The following FHOD1 variants were observed in gnomAD, a reference collection of about 807,000 sequenced individuals.
FHOD1 encodes FH1/FH2 domain-containing protein 1.
Under a neutral mutation model 111.6 loss-of-function variants are expected in FHOD1, and 89 were observed. The ratio of observed to expected loss-of-function variants is 0.80; its 90% CI spans 0.67 to 0.95. The LOEUF (loss-of-function observed/expected upper bound fraction) is 0.95, where lower values mean the gene tolerates loss of function less well. Among genes scored for constraint, FHOD1 ranks in the 40% least tolerant of loss-of-function variants. The pLI, the probability that FHOD1 is intolerant of heterozygous loss-of-function variation, is 0.00. For missense variants in FHOD1, 1,446 were observed against 1,554.2 expected, an observed-to-expected ratio of 0.93 and a Z score of 1.17; for synonymous variants, 618 against 639.0, an observed-to-expected ratio of 0.97 and a Z score of 0.50.
rs1243780904 is a variant in FHOD1, at chr16:67,237,970, G to T, written c.642+64C>A. The T allele has an allele frequency of 9.7e-6, 15 of 1,554,284 alleles. No individual in the cohort carries two copies. The Admixed American group carries it at 1.7e-4, about 17-fold the overall frequency. ...CCCTTCCAGCTCACTTTGCAGAACA[G>T]GAAACTGAGGCCCAGAGAGAAGCAA... is the stretch of plus-strand genomic sequence containing the variant. On this transcript the variant is annotated intron_variant, in intron 6 of 21. Transcript: ENST00000258201. The surrounding 1 kb of genome is among the most constrained non-coding windows in gnomAD (Gnocchi z 5.6).
chr16:67,232,432 T>A (rs1184534318), intron 13 of FHOD1, among the ~76,000 whole-genome samples: 3 of 145,668 alleles, frequency 2.1e-5, no homozygotes, highest in African/African-American at 7.7e-5. Context: ...GGCAGGAGAA[T>A]GGCGTGAACC....
Position 67,236,571 on chromosome 16 carries a change from C to T in FHOD1, c.1305G>A (p.Glu435=), listed in dbSNP as rs769856041. The T allele has an allele frequency of 9.3e-6, 15 of 1,613,332 alleles. No individual in the cohort carries two copies. The highest frequency in any genetic ancestry group is 1.3e-5 in the Non-Finnish European group (15 of 1,179,776). Residue 435 remains glutamate (E), a synonymous_variant, in exon 11 of 22, where the codon GAG becomes GAA. Transcript: ENST00000258201. ...TCCCTACTTACTTGTAGATGCTCCT[C>T]TCGCTGGAGGTGTCAGCTGAGGGTG... ...SVAPSADTSS[E]RSIYKARFLE... is the part of the protein sequence containing the mutation.
chr16:67,236,866 T>C (rs1597324449), intron 10 of FHOD1, 100 bp downstream of exon 10: 1 of 1,119,410 alleles, frequency 8.9e-7, no homozygotes, highest in Non-Finnish European at 1.1e-6. Flanking sequence ...GGGGGCTGTC[T>C]GTGGGGCGGG....
At chr16:67,240,316 C>T (rs1250152891) in intron 1 of FHOD1, among the ~76,000 whole-genome samples, 1 of 152,146 alleles carries the variant, frequency 6.6e-6, no homozygotes, top group Non-Finnish European at 1.5e-5. Context: ...CGCCTAAGGT[C>T]AGGAGTTCTA....
In FHOD1 at chr16:67,229,984, A is replaced by G; in HGVS notation, c.3221T>C (p.Val1074Ala). ...GGGCATGATTGGGGAGCTGCTCTGG[A>G]CCATGCCTGAGGAAGGCCAGATAGC... ...TTHNRRSRGM[V>A]QSSSPIMPTV... The change falls in exon 21 of 22, where the codon GTC becomes GCC. Residue 1074 changes from valine to alanine, a missense_variant. Val to Ala is a moderately conservative substitution (Grantham distance 64). Transcript: ENST00000258201. The G allele has an allele frequency of 6.2e-7, 1 of 1,613,894 alleles. No individual in the cohort carries two copies. The highest frequency in any genetic ancestry group is 8.5e-7 in the Non-Finnish European group (1 of 1,179,844).
chr16:67,237,153 G>A lies in FHOD1; in HGVS notation c.994-39C>T, dbSNP rs2034517004. 6.9e-6 allele frequency: 11 copies of A among 1,601,946 alleles called. No homozygotes were observed. The highest frequency in any genetic ancestry group is 9.4e-6 in the Non-Finnish European group (11 of 1,172,514). On this transcript the variant is annotated intron_variant, in intron 9 of 21. Transcript: ENST00000258201. The surrounding 1 kb of genome is among the most constrained non-coding windows in gnomAD (Gnocchi z 5.6). The stretch of plus-strand genomic sequence containing the variant: ...ACCAGGATGTAAGAAAGTGGTTAAC[G>A]TGTATGCAGGTGGGGTGGGGCGCTG...
In FHOD1 at chr16:67,238,519, A is replaced by C. The variant is rs750182696; in HGVS notation, c.374-72T>G. On this transcript the variant is annotated intron_variant, in intron 3 of 21. Transcript: ENST00000258201. The surrounding 1 kb of genome is among the most constrained non-coding windows in gnomAD (Gnocchi z 4.2). ...TCTTCCTCTGCTTGGATACAACCAC[A>C]ACTCTCCACCAAAGAATAGTCTAAT... The C allele has an allele frequency of 3.0e-6, 4 of 1,348,894 alleles. No homozygotes were observed. The East Asian group carries it at 9.5e-5, about 32-fold the overall frequency. The allele number at this position is 1,348,894 out of a possible 1,614,324, so 83.6% of individuals were successfully genotyped here.
Position 67,232,122 on chromosome 16 carries a change from G to A in FHOD1, c.2119C>T (p.Leu707=). Reference sequence around the variant, plus strand: ...ACATGCACAGGTGGCAGTGTGGTTAGGCCGATGTTGATGGCGTTGCTGCGC... The same window carrying A: ...ACATGCACAGGTGGCAGTGTGGTTAAGCCGATGTTGATGGCGTTGCTGCGC... The part of the protein sequence containing the change: ...PKRSNAINIG[L]TTLPPVHVIK... The change falls in exon 14 of 22, where the codon CTA becomes TTA. Residue 707 remains leucine (L), a synonymous_variant. Transcript: ENST00000258201. 1 of 1,614,242 alleles carries A rather than the reference G, an allele frequency of 6.2e-7. No homozygotes were observed. The highest frequency in any genetic ancestry group is 8.5e-7 in the Non-Finnish European group (1 of 1,180,048).
At position 67,237,631 on chromosome 16, in the gene FHOD1, G is replaced by C. The variant is rs202098269; in HGVS notation, c.754+26C>G. ...GGTAGGAGAGAGGGCTCTGAGCGGT[G>C]GGGGGAGAAAGGGACAGTCTCTGAC... On this transcript the variant is annotated intron_variant, in intron 7 of 21. Coordinates refer to ENST00000258201, the MANE Select transcript of FHOD1 (RefSeq NM_013241.3). This position sits in a 1 kb window ranked among gnomAD's most constrained non-coding sequence, Gnocchi z 5.6. 6.2e-7 allele frequency: 1 copy of C among 1,612,174 alleles called. No homozygotes were observed. Among genetic ancestry groups the C allele is most frequent in the African/African-American group, 1.3e-5 (1 of 74,904 alleles).
At chr16:67,239,498 A>G in intron 1 of FHOD1, 44 bp from the exon 2 acceptor site, 1 of 1,472,160 alleles carries the variant, frequency 6.8e-7, no homozygotes. Flanking sequence ...AAGAGGTGGC[A>G]GGCGAATGTA....
Position 67,231,769 on chromosome 16 carries a change from T to G in FHOD1, c.2253A>C (p.Glu751Asp), listed in dbSNP as rs1468918530. 1 of 1,613,520 alleles carries G rather than the reference T, an allele frequency of 6.2e-7. No individual in the cohort carries two copies. The highest frequency in any genetic ancestry group is 2.2e-5 in the East Asian group (1 of 44,828). The change falls in exon 15 of 22, where the codon GAA becomes GAC. Residue 751 changes from glutamate to aspartate, a missense_variant. Around this residue, in one of 3 missense-constraint regions of FHOD1, gnomAD observed 1,085 missense variants for 1,108.8 expected, o/e 0.98. Coordinates refer to ENST00000258201, the MANE Select transcript of FHOD1 (RefSeq NM_013241.3). This position sits in a 1 kb window ranked among gnomAD's most constrained non-coding sequence, Gnocchi z 4.3. ...PTEEERQKIE[E>D]AQLANPDIPL... The stretch of plus-strand genomic sequence containing the variant: ...GTATGTCAGGGTTGGCCAGCTGGGC[T>G]TCCTCAATCTTCTGCCGCTCTTCCT...
chr16:67,230,222 T>C lies in FHOD1; in HGVS notation c.3058A>G (p.Lys1020Glu). ...GCTTCCCCAGCCACACCTGAGAACT[T>C]CTCTGTCTGGAGAAAGAAGAAGGGT... Reference protein sequence around the residue: ...TRGRMITETEKFSGVAGEAPS... With the variant: ...TRGRMITETEEFSGVAGEAPS... Residue 1020 changes from lysine (K) to glutamate (E), a missense_variant, in exon 20 of 22, where the codon AAG (lysine) becomes GAG (glutamate). By Grantham distance (56) the Lys-to-Glu change is moderately conservative. Around this residue, in one of 3 missense-constraint regions of FHOD1, gnomAD observed 1,085 missense variants for 1,108.8 expected, o/e 0.98. Transcript: ENST00000258201. 2.5e-6 allele frequency: 4 copies of C among 1,613,908 alleles called. No homozygotes were observed. The highest frequency in any genetic ancestry group is 3.4e-6 in the Non-Finnish European group (4 of 1,179,866).
At chr16:67,235,714 C>T (rs2034451969) in intron 11 of FHOD1, among the ~76,000 whole-genome samples, 1 of 152,132 alleles carries the variant, frequency 6.6e-6, no homozygotes, top group African/African-American at 2.4e-5. Flanking sequence ...ACACAGCACC[C>T]TAGGTCCCCT....
Position 67,231,920 on chromosome 16 carries a change from C to T in FHOD1, c.2203-101G>A. The T allele has an allele frequency of 6.5e-7, 1 of 1,541,428 alleles. No individual in the cohort carries two copies. The highest frequency in any genetic ancestry group is 8.8e-7 in the Non-Finnish European group (1 of 1,139,060). The stretch of plus-strand genomic sequence containing the variant: ...AGTCATCTAGGGGAGGCCCCAGTGT[C>T]TGGGGACTGCCCTGCAGAAATGCCA... On this transcript the variant is annotated intron_variant, in intron 14 of 21. Coordinates refer to ENST00000258201, the MANE Select transcript of FHOD1 (RefSeq NM_013241.3). This position sits in a 1 kb window ranked among gnomAD's most constrained non-coding sequence, Gnocchi z 4.3.
At chr16:67,234,562 T>G (rs2034412172) in intron 11 of FHOD1, 90 bp from the exon 12 acceptor site, 1 of 1,102,106 alleles carries the variant, frequency 9.1e-7, no homozygotes, top group Admixed American at 2.0e-5. Context: ...CACCCCCAAT[T>G]GCAGGCACGC....
intron 1 of FHOD1, among the ~76,000 whole-genome samples, chr16:67,241,688 G>T (rs1347946515): frequency 6.6e-6 from 1 of 152,206 alleles, no homozygotes; most frequent in Non-Finnish European, 1.5e-5. Flanking sequence ...AATGAATGTG[G>T]AATCACAACT....
Position 67,233,869 on chromosome 16 carries a change from G to T in FHOD1, c.1834C>A (p.His612Asn). 6.2e-7 allele frequency: 1 copy of T among 1,607,436 alleles called. No homozygotes were observed. The highest frequency in any genetic ancestry group is 8.5e-7 in the Non-Finnish European group (1 of 1,177,004). The change falls in exon 13 of 22, where the codon CAT becomes AAT. Residue 612 changes from histidine to asparagine, a missense_variant. Coordinates refer to ENST00000258201, the MANE Select transcript of FHOD1 (RefSeq NM_013241.3). The stretch of plus-strand genomic sequence containing the variant: ...AGGGCTGAGCTGTCAGGCACTGAAT[G>T]GGGAAGAGGGGCAGCCAGAGGTAGA... ...PPLPLAAPLP[H>N]SVPDSSALPT...
At chr16:67,234,550 A>G (rs1487337068) in intron 11 of FHOD1, 78 bp from the exon 12 acceptor site, 5 of 1,266,140 alleles carry the variant, frequency 3.9e-6, no homozygotes, top group Non-Finnish European at 3.3e-6. Flanking sequence ...GCCCCTGGAC[A>G]CCACCCCCAA....
At position 67,237,443 on chromosome 16, in the gene FHOD1, T is replaced by C; in HGVS notation, c.849+32A>G. The C allele has an allele frequency of 6.2e-7, 1 of 1,614,004 alleles. No homozygotes were observed. The highest frequency in any genetic ancestry group is 8.5e-7 in the Non-Finnish European group (1 of 1,179,904). ...GGTGGGGAGGTCAGGAGCCTGAGCA[T>C]CCCAGAGCTGGCACCCAGTCCTTGG... On this transcript the variant is annotated intron_variant, in intron 8 of 21. Transcript: ENST00000258201. This position sits in a 1 kb window ranked among gnomAD's most constrained non-coding sequence, Gnocchi z 5.6.
Sources: allele counts gnomAD v4.1 joint callset (sites outside exome capture counted in the v4.1 genomes callset), GRCh38; gene constraint gnomAD v4.1.1; regional missense constraint gnomAD v4.1.1; non-coding constraint Gnocchi (gnomAD v3.1); transcripts MANE v1.5; gene names NCBI Gene and HGNC (gene_info 2026-07-23, HGNC 2026-07-21).